NELFA: variants seen among roughly 807,000 people sequenced by gnomAD.
The protein encoded by NELFA is negative elongation factor A.
In NELFA, 35 loss-of-function variants were observed where a neutral mutation model predicts 51.8. The ratio of observed to expected loss-of-function variants is 0.68; its 90% confidence interval spans 0.52 to 0.90. The LOEUF (loss-of-function observed/expected upper bound fraction) is 0.90, where lower values mean the gene tolerates loss of function less well. Among genes scored for constraint, NELFA ranks in the 40% least tolerant of loss-of-function variants. NELFA has a pLI of 0.00. For missense variants in NELFA, 658 were observed against 746.4 expected, an observed-to-expected ratio of 0.88 and a Z score of 1.38; for synonymous variants, 417 against 338.4, an observed-to-expected ratio of 1.23 and a Z score of -2.55.
intron 2 of NELFA, among the ~76,000 whole-genome samples, chr4:1,991,309 C>A (rs1728262153): frequency 6.6e-6 from 1 of 152,158 alleles, no homozygotes; most frequent in Admixed American, 6.5e-5. Context: ...CAGCCTCCCA[C>A]TGACACCGCA....
At chr4:1,985,648 T>C (rs1476004536) in intron 7 of NELFA, 128 bp downstream of exon 7, 1 of 703,156 alleles carries the variant, frequency 1.4e-6, no homozygotes, top group Non-Finnish European at 2.4e-6. Context: ...TATATATACA[T>C]AAATACAGAC....
chr4:1,993,711 G>T (rs558507758), intron 1 of NELFA, among the ~76,000 whole-genome samples: 1 of 152,074 alleles, frequency 6.6e-6, no homozygotes, highest in Non-Finnish European at 1.5e-5. Context: ...AGGCGCTGGT[G>T]GATTCCCCGC....
At chr4:2,004,759 A>G (rs1728665064) in intron 1 of NELFA, among the ~76,000 whole-genome samples, 1 of 149,422 alleles carries the variant, frequency 6.7e-6, no homozygotes, top group Admixed American at 6.8e-5. Context: ...AAGTGCTGAG[A>G]TTACAGGCAT....
chr4:1,984,101 C>T lies in NELFA; in HGVS notation c.1049G>A (p.Arg350Gln), dbSNP rs746140284. 9 of 1,569,498 alleles carry T rather than the reference C, an allele frequency of 5.7e-6. No individual in the cohort carries two copies. The highest frequency in any genetic ancestry group is 1.4e-5 in the African/African-American group (1 of 74,040). ...CTCCTCTGGTGGGCGGCTGGCTTCC[C>T]GGGAAGATGGGGCTGCAAGTAGACC... ...SSETPPAPSS[R>Q]EASRPPEEPS... Residue 350 changes from arginine to glutamine, a missense_variant, in exon 9 of 11, where the codon CGG becomes CAG. Transcript: ENST00000382882.
At chr4:1,985,991 C>G in intron 6 of NELFA, 123 bp downstream of exon 6, 1 of 1,349,544 alleles carries the variant, frequency 7.4e-7, no homozygotes, top group Non-Finnish European at 1.0e-6. Context: ...AGCAGGCACC[C>G]ACCCACGGAG....
At chr4:2,002,165 A>C (rs1446797506) in intron 1 of NELFA, among the ~76,000 whole-genome samples, 1 of 152,110 alleles carries the variant, frequency 6.6e-6, no homozygotes, top group African/African-American at 2.4e-5. Flanking sequence ...GCGCCACTGC[A>C]CTCCAGCCTG....
chr4:1,984,759 G>T, intron 8 of NELFA, 49 bp downstream of exon 8: 1 of 1,409,966 alleles, frequency 7.1e-7, no homozygotes, highest in Non-Finnish European at 9.8e-7. Flanking sequence ...GCAAGGTCAT[G>T]TCCTGGCAGG....
intron 1 of NELFA, among the ~76,000 whole-genome samples, chr4:2,006,442 T>G (rs1273747814): frequency 6.6e-6 from 1 of 152,140 alleles, no homozygotes; most frequent in Admixed American, 6.6e-5. Context: ...ATACACCATC[T>G]ATGTTAAAAC....
chr4:1,991,414 G>T, intron 2 of NELFA, 130 bp downstream of exon 2: 1 of 950,292 alleles, frequency 1.1e-6, no homozygotes, highest in Non-Finnish European at 1.6e-6. Context: ...TGCATATACA[G>T]TTAATATTCT....
rs201509913 is a variant in NELFA at position 1,983,703 on chromosome 4, G to A, written c.1303-8C>T. On this transcript the variant is annotated splice_polypyrimidine_tract_variant and splice_region_variant and intron_variant, in intron 9 of 10. Coordinates refer to ENST00000382882, the MANE Select transcript of NELFA (RefSeq NM_005663.5). ...AGCGAACATCTGCTCTCTCTACAGC[G>A]GGGAGAGGGGTGTGGGTGCCAGGGC... is the stretch of plus-strand genomic sequence containing the variant. 324 of 1,613,528 alleles carry A rather than the reference G, an allele frequency of 2.0e-4. No individual in the cohort carries two copies. Among genetic ancestry groups the A allele is most frequent in the Non-Finnish European group, 2.4e-4 (286 of 1,179,724 alleles).
intron 1 of NELFA, among the ~76,000 whole-genome samples, chr4:1,998,750 C>T (rs1044295969): frequency 2.0e-5 from 3 of 152,140 alleles, no homozygotes; most frequent in African/African-American, 7.2e-5. Context: ...CCAGAACTTC[C>T]TCAACCTAGA....
chr4:1,984,578 G>A (rs1212323861), intron 8 of NELFA, among the ~76,000 whole-genome samples: 1 of 152,224 alleles, frequency 6.6e-6, no homozygotes, highest in East Asian at 1.9e-4. Context: ...TGTCCCCTGG[G>A]GCCGCTGCCT....
chr4:1,990,604 C>A (rs1232819046), intron 2 of NELFA: 5 of 440,630 alleles, frequency 1.1e-5, no homozygotes, highest in East Asian at 7.1e-5. Context: ...GGGTGGCCAG[C>A]AGGGCCCCTG....
At position 1,986,299 on chromosome 4, in the gene NELFA, C is replaced by A. The variant is rs1416444390; in HGVS notation, c.738G>T (p.Thr246=). The change falls in exon 5 of 11, where the codon ACG becomes ACT. Residue 246 remains threonine (T), a synonymous_variant. Transcript: ENST00000382882. The part of the protein sequence containing the change: ...GNRTPIPPSR[T]LLRKERGVKL... ...TCACACCTCGTTCCTTCCGCAGCAG[C>A]GTCCTGGAAGGCGGGATGGGGGTCC... 1 of 1,588,238 alleles carries A rather than the reference C, an allele frequency of 6.3e-7. No homozygotes were observed. Among genetic ancestry groups the A allele is most frequent in the South Asian group, 1.1e-5 (1 of 87,520 alleles).
intron 1 of NELFA, among the ~76,000 whole-genome samples, chr4:2,004,362 T>C (rs535574642): frequency 1.3e-5 from 2 of 152,164 alleles, no homozygotes; most frequent in East Asian, 1.9e-4. Flanking sequence ...TAGGATTTAT[T>C]TGGGGGATGA....
intron 7 of NELFA, among the ~76,000 whole-genome samples, chr4:1,985,293 C>T (rs533817049): frequency 1.3e-5 from 2 of 152,330 alleles, no homozygotes; most frequent in African/African-American, 4.8e-5. Flanking sequence ...CCTGAAGTGA[C>T]CCCACAGTGT....
chr4:1,990,688 C>T (rs1728246057), intron 2 of NELFA, among the ~76,000 whole-genome samples: 1 of 152,260 alleles, frequency 6.6e-6, no homozygotes, highest in Admixed American at 6.5e-5. Context: ...GGAGCTGGGG[C>T]ACAACGTTTG....
intron 1 of NELFA, among the ~76,000 whole-genome samples, chr4:2,002,133 G>A (rs1728596533): frequency 6.6e-6 from 1 of 151,876 alleles, no homozygotes; most frequent in Non-Finnish European, 1.5e-5. Context: ...CCGGGAGGCG[G>A]AGCTTGCAAT....
At chr4:1,984,621 G>C (rs1331187427) in intron 8 of NELFA, among the ~76,000 whole-genome samples, 187 bp downstream of exon 8, 1 of 152,250 alleles carries the variant, frequency 6.6e-6, no homozygotes, top group Non-Finnish European at 1.5e-5. Flanking sequence ...GTGGGGCAAA[G>C]CAGCTGGTTT....
Sources: gnomAD v4.1 joint callset for allele counts (sites outside exome capture counted in the v4.1 genomes callset) on GRCh38, gnomAD v4.1.1 for gene constraint, MANE v1.5 for transcripts, NCBI Gene and HGNC (gene_info 2026-07-23, HGNC 2026-07-21) for gene names.